The following PRX variants were observed in gnomAD, a reference collection of about 807,000 sequenced individuals.
PRX encodes the protein periaxin.
A neutral mutation model predicts 29.6 loss-of-function variants in PRX; 24 were observed. The observed-to-expected ratio is 0.81, with a 90% CI of 0.59 to 1.14. The LOEUF (loss-of-function observed/expected upper bound fraction) is 1.14. Among genes scored for constraint, PRX ranks in the 50% most tolerant of loss-of-function variants. The pLI is 0.00. For synonymous variants in PRX, 772 were observed against 831.7 expected (o/e 0.93, Z 1.24); for missense variants, 1,838 against 1,926.4 (o/e 0.95, Z 0.86).
At position 40,398,967 on chromosome 19, in the gene PRX, C is replaced by T. The variant is rs922217; in HGVS notation, c.185-151G>A. Reference sequence around the variant, plus strand: ...AGCGCAGGATTAAGTCGCAGTTACGCTAGTCCCCGCCCCATGACCTTATCC... The same window carrying T: ...AGCGCAGGATTAAGTCGCAGTTACGTTAGTCCCCGCCCCATGACCTTATCC... On this transcript the variant is annotated intron_variant, in intron 5 of 6. Coordinates refer to ENST00000324001, the MANE Select transcript of PRX (RefSeq NM_181882.3). This position sits in a 1 kb window ranked among gnomAD's most constrained non-coding sequence, Gnocchi z 6.3. 6.8e-7 allele frequency: 1 copy of T among 1,481,350 alleles called. No homozygotes were observed. Among genetic ancestry groups the T allele is most frequent in the Non-Finnish European group, 9.0e-7 (1 of 1,111,144 alleles). The allele number at this position is 1,481,350 out of a possible 1,614,324, so 91.8% of individuals were successfully genotyped here.
intron 1 of PRX, among the ~76,000 whole-genome samples, chr19:40,408,816 G>GGT (rs575859236): frequency 0.18 from 26,247 of 143,196 alleles, 2,446 homozygotes; most frequent in Non-Finnish European, 0.22. Flanking sequence ...TGTTGTTGGT[G>GGT]GTGTGTGTGT....
In PRX at chr19:40,397,877, A is replaced by T. The variant is rs755344028; in HGVS notation, c.475T>A (p.Ser159Thr). 1 of 1,610,534 alleles carries T rather than the reference A, an allele frequency of 6.2e-7. No individual in the cohort carries two copies. The highest frequency in any genetic ancestry group is 8.5e-7 in the Non-Finnish European group (1 of 1,178,636). ...CGCAGGCGGGAGAACTTGGGAAAGG[A>T]GAACTCGACGTCAACAGGGGCCAGG... ...ADLAPVDVEF[S>T]FPKFSRLRRG... Residue 159 changes from serine to threonine, a missense_variant, in exon 7 of 7, where the codon TCC (serine) becomes ACC (threonine). By Grantham distance (58) the Ser-to-Thr change is moderately conservative. Transcript: ENST00000324001.
chr19:40,395,931 G>A lies in PRX; in HGVS notation c.2421C>T (p.Pro807=), dbSNP rs752259641. ...FGFKMPKMTM[P]KLGRAESPSR... is the part of the protein sequence containing the mutation. ...ATGGGGACTCTGCCCTCCCTAGCTTGGGCATGGTCATCTTGGGCATCTTGA... is the reference window on the plus strand; with the variant it reads ...ATGGGGACTCTGCCCTCCCTAGCTTAGGCATGGTCATCTTGGGCATCTTGA... The change falls in exon 7 of 7, where the codon CCC becomes CCT. Residue 807 remains proline, a synonymous_variant. Coordinates refer to ENST00000324001, the MANE Select transcript of PRX (RefSeq NM_181882.3). 3.7e-6 allele frequency: 6 copies of A among 1,614,054 alleles called. No homozygotes were observed. The highest frequency in any genetic ancestry group is 2.7e-5 in the African/African-American group (2 of 74,944).
Position 40,394,544 on chromosome 19 carries a change from G to A in PRX, c.3808C>T (p.Arg1270Cys), listed in dbSNP as rs760423702. The A allele has an allele frequency of 7.5e-6, 12 of 1,604,606 alleles. No individual in the cohort carries two copies. Among genetic ancestry groups the A allele is most frequent in the South Asian group, 2.2e-5 (2 of 90,126 alleles). The change falls in exon 7 of 7, where the codon CGT (arginine) becomes TGT (cysteine). Residue 1270 changes from arginine (R) to cysteine (C), a missense_variant. Around this residue, in one of 3 missense-constraint regions of PRX, gnomAD observed 1,143 missense variants for 1,193.0 expected, o/e 0.96. Coordinates refer to ENST00000324001, the MANE Select transcript of PRX (RefSeq NM_181882.3). This position sits in a 1 kb window ranked among gnomAD's most constrained non-coding sequence, Gnocchi z 5.8. Reference protein sequence around the residue: ...GAEEQPPGAERTFCLSLPDVE... With the variant: ...GAEEQPPGAECTFCLSLPDVE... ...TCGGGCAGTGAGAGGCAGAAGGTACGCTCGGCCCCTGGGGGCTGCTCCTCA... is the reference window on the plus strand; with the variant it reads ...TCGGGCAGTGAGAGGCAGAAGGTACACTCGGCCCCTGGGGGCTGCTCCTCA...
chr19:40,406,270 G>A (rs114779730), intron 4 of PRX, among the ~76,000 whole-genome samples: 4 of 150,270 alleles, frequency 2.7e-5, no homozygotes, highest in East Asian at 2.0e-4. Flanking sequence ...AAAAAGAGTC[G>A]GAGTCTTGTT....
intron 1 of PRX, among the ~76,000 whole-genome samples, chr19:40,410,376 C>T (rs2079553048): frequency 6.6e-6 from 1 of 152,206 alleles, no homozygotes; most frequent in Non-Finnish European, 1.5e-5. Flanking sequence ...ACCCTGGCCA[C>T]ACAATGGCCT....
intron 1 of PRX, among the ~76,000 whole-genome samples, chr19:40,410,353 C>A (rs1260690929): frequency 6.6e-6 from 1 of 152,196 alleles, no homozygotes; most frequent in African/African-American, 2.4e-5. Context: ...TTGCATTCCG[C>A]CCCTGCCCAC....
chr19:40,398,534 CCCA>C lies in PRX; in HGVS notation c.381+83_381+85del, dbSNP rs1568710395. ...GTGACAAGACAGAGGGCAAGGCTGG[CCCA>C]CGATGGCGGGGAATGGGGCTCACGG... On this transcript the variant is annotated intron_variant, in intron 6 of 6. Transcript: ENST00000324001. The surrounding 1 kb of genome is among the most constrained non-coding windows in gnomAD (Gnocchi z 6.3). The C allele has an allele frequency of 3.1e-6, 5 of 1,590,198 alleles. No individual in the cohort carries two copies. The East Asian group carries it at 1.1e-4, about 36-fold the overall frequency.
intron 5 of PRX, among the ~76,000 whole-genome samples, chr19:40,399,899 CTTTCTT>C (rs1178411715): frequency 0.034 from 2,286 of 67,562 alleles, 71 homozygotes; most frequent in African/African-American, 0.2. Context: ...TTCTTTCTTT[CTTTCTT>C]TTTCTTTCTT....
At position 40,397,450 on chromosome 19, in the gene PRX, G is replaced by T. The variant is rs1186753867; in HGVS notation, c.902C>A (p.Pro301His). 5 of 1,588,712 alleles carry T rather than the reference G, an allele frequency of 3.1e-6. No individual in the cohort carries two copies. The highest frequency in any genetic ancestry group is 1.3e-5 in the African/African-American group (1 of 74,128). Residue 301 changes from proline to histidine, a missense_variant, in exon 7 of 7, where the codon CCC (proline) becomes CAC (histidine). Coordinates refer to ENST00000324001, the MANE Select transcript of PRX (RefSeq NM_181882.3). ...QVPQVELPAL[P>H]SLPTLPTLPC... ...AAGTGTGGGCAGAGTGGGCAGTGAG[G>T]GCAAGGCAGGCAGCTCCACCTGGGG...
chr19:40,393,977 C>T lies in PRX; in HGVS notation c.4375G>A (p.Ala1459Thr). ...GPARMEGAQA[A>T]AV is the part of the protein sequence containing the mutation. Reference sequence around the variant, plus strand: ...TCTGACTAGGGGCTTCAGACAGCCGCAGCCTGAGCCCCCTCCATCCTGGCC... The same window carrying T: ...TCTGACTAGGGGCTTCAGACAGCCGTAGCCTGAGCCCCCTCCATCCTGGCC... Residue 1459 changes from alanine (A) to threonine (T), a missense_variant, in exon 7 of 7, where the codon GCG (alanine) becomes ACG (threonine). Transcript: ENST00000324001. The T allele has an allele frequency of 6.2e-7, 1 of 1,612,728 alleles. No individual in the cohort carries two copies. Among genetic ancestry groups the T allele is most frequent in the South Asian group, 1.1e-5 (1 of 91,084 alleles).
chr19:40,399,332 A>G (rs952633628), intron 5 of PRX, among the ~76,000 whole-genome samples: 1 of 152,060 alleles, frequency 6.6e-6, no homozygotes, highest in African/African-American at 2.4e-5. Flanking sequence ...GCATACAAAC[A>G]TATTATTATT....
chr19:40,411,487 G>A (rs2079558615), intron 1 of PRX, among the ~76,000 whole-genome samples: 1 of 152,162 alleles, frequency 6.6e-6, no homozygotes, highest in African/African-American at 2.4e-5. Flanking sequence ...GGGGTCTCCT[G>A]GGTCATCAGC....
chr19:40,395,929 T>C lies in PRX; in HGVS notation c.2423A>G (p.Lys808Arg). The change falls in exon 7 of 7, where the codon AAG (lysine) becomes AGG (arginine). Residue 808 changes from lysine (K) to arginine (R), a missense_variant. Transcript: ENST00000324001. Reference sequence around the variant, plus strand: ...TGATGGGGACTCTGCCCTCCCTAGCTTGGGCATGGTCATCTTGGGCATCTT... The same window carrying C: ...TGATGGGGACTCTGCCCTCCCTAGCCTGGGCATGGTCATCTTGGGCATCTT... Reference protein sequence around the residue: ...GFKMPKMTMPKLGRAESPSRG... With the variant: ...GFKMPKMTMPRLGRAESPSRG... 2 of 1,614,198 alleles carry C rather than the reference T, an allele frequency of 1.2e-6. No homozygotes were observed. The highest frequency in any genetic ancestry group is 8.5e-7 in the Non-Finnish European group (1 of 1,180,044).
rs537099688 is a variant in PRX, at chr19:40,395,763, T to C, written c.2589A>G (p.Gly863=). Residue 863 remains glycine, a synonymous_variant, in exon 7 of 7, where the codon GGA becomes GGG. Coordinates refer to ENST00000324001, the MANE Select transcript of PRX (RefSeq NM_181882.3). The part of the protein sequence containing the change: ...TLPSVELDLP[G]ALGLQGQVPA... ...GGACCTGCCCCTGCAGGCCAAGTGC[T>C]CCTGGCAGGTCTAGCTCCACTGAAG... 4 of 1,613,996 alleles carry C rather than the reference T, an allele frequency of 2.5e-6. No individual in the cohort carries two copies. The South Asian group carries it at 4.4e-5, about 18-fold the overall frequency.
Position 40,398,734 on chromosome 19 carries a change from A to T in PRX, c.267T>A (p.Pro89=). 6.2e-7 allele frequency: 1 copy of T among 1,614,112 alleles called. No homozygotes were observed. The stretch of plus-strand genomic sequence containing the variant: ...GCTTCAGGCAGAAGGAGACTTTGTA[A>T]GGCTCGGCGCATTGCAGCAGGCGTA... The part of the protein sequence containing the change: ...DALRLLQCAE[P]YKVSFCLKRT... The change falls in exon 6 of 7, where the codon CCT becomes CCA. Residue 89 remains proline (P), a synonymous_variant. Transcript: ENST00000324001. This position sits in a 1 kb window ranked among gnomAD's most constrained non-coding sequence, Gnocchi z 6.3.
Position 40,395,597 on chromosome 19 carries a change from C to T in PRX, c.2755G>A (p.Glu919Lys). The T allele has an allele frequency of 1.2e-6, 2 of 1,614,210 alleles. No individual in the cohort carries two copies. Among genetic ancestry groups the T allele is most frequent in the Non-Finnish European group, 1.7e-6 (2 of 1,180,022 alleles). Residue 919 changes from glutamate (E) to lysine (K), a missense_variant, in exon 7 of 7, where the codon GAG (glutamate) becomes AAG (lysine). Physicochemically the swap from Glu to Lys is moderately conservative, Grantham distance 56. Transcript: ENST00000324001. Reference sequence around the variant, plus strand: ...GGCTTGACTTTTGTCTCTATCATCTCCAGCCGCCCTTCCTCAATTTCCACG... The same window carrying T: ...GGCTTGACTTTTGTCTCTATCATCTTCAGCCGCCCTTCCTCAATTTCCACG... ...PAVEIEEGRL[E>K]MIETKVKPSS...
In PRX at chr19:40,394,005, G is replaced by A; in HGVS notation, c.4347C>T (p.Gly1449=). 6.2e-7 allele frequency: 1 copy of A among 1,613,462 alleles called. No individual in the cohort carries two copies. Among genetic ancestry groups the A allele is most frequent in the African/African-American group, 1.3e-5 (1 of 75,034 alleles). The change falls in exon 7 of 7, where the codon GGC becomes GGT. Residue 1449 remains glycine (G), a synonymous_variant. Coordinates refer to ENST00000324001, the MANE Select transcript of PRX (RefSeq NM_181882.3). The surrounding 1 kb of genome is among the most constrained non-coding windows in gnomAD (Gnocchi z 5.8). ...CCTGAGCCCCCTCCATCCTGGCCGG[G>A]CCTGGAGCCCCTGTCTCTGAAAACC... ...SVGFSETGAP[G]PARMEGAQAA...
upstream of PRX, among the ~76,000 whole-genome samples, chr19:40,413,558 C>T (rs994450824): frequency 6.6e-6 from 1 of 152,132 alleles, no homozygotes; most frequent in African/African-American, 2.4e-5. Context: ...AGCCACCAGC[C>T]GCCTCTCTCT....
Sources: gnomAD v4.1 joint callset for allele counts (sites outside exome capture counted in the v4.1 genomes callset) on GRCh38, gnomAD v4.1.1 for gene constraint, gnomAD v4.1.1 regional missense constraint, Gnocchi (gnomAD v3.1) non-coding constraint, MANE v1.5 for transcripts, NCBI Gene and HGNC (gene_info 2026-07-23, HGNC 2026-07-21) for gene names.